Variants in GLIS3 observed in about 807,000 individuals in gnomAD.
The protein encoded by GLIS3 is GLIS family zinc finger 3.
Under a neutral mutation model 78.6 loss-of-function variants are expected in GLIS3, and 53 were observed. That is an observed-to-expected ratio of 0.67 (90% CI 0.54 to 0.85). The LOEUF (loss-of-function observed/expected upper bound fraction) is 0.85, where lower values mean the gene tolerates loss of function less well. GLIS3 is among the 40% of genes least tolerant of loss of function. The pLI is 0.00. For synonymous variants in GLIS3, 684 were observed against 509.9 expected (o/e 1.34, Z -4.60); for missense variants, 1,703 against 1,231.1 (o/e 1.38, Z -5.74).
In GLIS3 at chr9:3,972,906, T is replaced by C. The variant is rs371909991; in HGVS notation, c.1711-35717A>G. 1.3e-4 allele frequency among the ~76,000 whole-genome samples: 20 copies of C among 152,260 alleles called. 1 individual carries two copies. The highest frequency in any genetic ancestry group is 4.8e-4 in the African/African-American group (20 of 41,564). On this transcript the variant is annotated intron_variant, in intron 4 of 10. Transcript: ENST00000381971. ...TGAGTCACGGTAGTTCTAGTGAATC[T>C]CTCTTCTGACGCTGATTGCAAGAGT...
chr9:4,144,544 T>C (rs998513578), intron 2 of GLIS3, among the ~76,000 whole-genome samples: 3 of 152,190 alleles, frequency 2.0e-5, no homozygotes, highest in African/African-American at 7.2e-5. Flanking sequence ...GGACTCTACA[T>C]GCCAAAAAGT....
intron 2 of GLIS3, among the ~76,000 whole-genome samples, chr9:4,337,594 TCATTTTTTCTGA>T (rs371333813): frequency 4.1e-4 from 63 of 152,272 alleles, no homozygotes; most frequent in African/African-American, 1.5e-3. Flanking sequence ...CTCCTTCCGG[TCATTTTTTCTGA>T]CATGCTGAGT....
intron 4 of GLIS3, among the ~76,000 whole-genome samples, chr9:4,042,945 G>C (rs1280987693): frequency 2.5e-5 from 3 of 121,516 alleles, no homozygotes; most frequent in Non-Finnish European, 4.7e-5. Context: ...GAGCTTGCTT[G>C]AAAAGAAAAA....
chr9:3,908,999 C>G (rs373738402), intron 6 of GLIS3, among the ~76,000 whole-genome samples: 1 of 152,296 alleles, frequency 6.6e-6, no homozygotes, highest in Non-Finnish European at 1.5e-5. Flanking sequence ...TTTTCCCTGT[C>G]TCCAATGAGC....
chr9:4,357,849 G>A, the GLIS3 span, among the ~76,000 whole-genome samples: 17 of 152,304 alleles, frequency 1.1e-4, no homozygotes, highest in African/African-American at 3.8e-4. Context: ...CATTGAATCT[G>A]TGTCAATGGT....
At chr9:4,135,156 C>T (rs568227103) in intron 2 of GLIS3, among the ~76,000 whole-genome samples, 18 of 152,178 alleles carry the variant, frequency 1.2e-4, no homozygotes, top group East Asian at 7.7e-4. Context: ...CATGTCAAAG[C>T]GTTGTCTAGA....
intron 4 of GLIS3, among the ~76,000 whole-genome samples, chr9:4,001,410 T>C (rs1190179691): frequency 6.6e-6 from 1 of 152,204 alleles, no homozygotes; most frequent in African/African-American, 2.4e-5. Context: ...ATTATTCTCA[T>C]AGAATTTCCA....
At chr9:4,009,060 C>G (rs1343312092) in intron 4 of GLIS3, among the ~76,000 whole-genome samples, 1 of 152,196 alleles carries the variant, frequency 6.6e-6, no homozygotes, top group African/African-American at 2.4e-5. Context: ...GATATTCCTT[C>G]TCTTCTCTTA....
intron 4 of GLIS3, among the ~76,000 whole-genome samples, chr9:4,114,253 A>C (rs1188338582): frequency 6.6e-6 from 1 of 152,158 alleles, no homozygotes; most frequent in Non-Finnish European, 1.5e-5. Context: ...CAACCATTGC[A>C]CAGTCTTCAA....
At chr9:3,902,659 C>G (rs1278644455) in intron 6 of GLIS3, among the ~76,000 whole-genome samples, 1 of 152,112 alleles carries the variant, frequency 6.6e-6, no homozygotes, top group Admixed American at 6.5e-5. Context: ...TTCAGTAGGT[C>G]TGCGATGCGT....
chr9:3,934,395 G>A (rs1468295146), intron 5 of GLIS3, among the ~76,000 whole-genome samples: 1 of 150,928 alleles, frequency 6.6e-6, no homozygotes, highest in East Asian at 1.9e-4. Flanking sequence ...GGTTGGTAAT[G>A]TCATTTTCTA....
intron 2 of GLIS3, among the ~76,000 whole-genome samples, chr9:4,330,707 A>G (rs1387136728): frequency 1.3e-5 from 2 of 152,046 alleles, no homozygotes; most frequent in Non-Finnish European, 2.9e-5. Context: ...GGAGATGAAG[A>G]GAGGTAGAGA....
intron 1 of GLIS3, among the ~76,000 whole-genome samples, chr9:4,288,677 A>ATTTAT (rs1009419360): frequency 6.6e-6 from 1 of 152,028 alleles, no homozygotes; most frequent in Non-Finnish European, 1.5e-5. Context: ...TGGAATGAAT[A>ATTTAT]TTTATTTTAT....
intron 8 of GLIS3, among the ~76,000 whole-genome samples, chr9:3,877,406 G>T (rs1033344963): frequency 2.6e-5 from 4 of 152,286 alleles, no homozygotes; most frequent in Non-Finnish European, 4.4e-5. Flanking sequence ...ACTTTACCTT[G>T]TGCATAGAAC....
intron 2 of GLIS3, among the ~76,000 whole-genome samples, chr9:4,310,843 G>A (rs1486164048): frequency 6.6e-6 from 1 of 152,136 alleles, no homozygotes; most frequent in Non-Finnish European, 1.5e-5. Context: ...AAGTAAATGG[G>A]GGTGGTGATG....
chr9:4,228,637 C>G (rs1182085355), intron 2 of GLIS3, among the ~76,000 whole-genome samples: 1 of 152,162 alleles, frequency 6.6e-6, no homozygotes, highest in East Asian at 1.9e-4. Flanking sequence ...TTCTTAATCC[C>G]CTATGTATGC....
chr9:4,011,587 G>C (rs1187995191), intron 4 of GLIS3, among the ~76,000 whole-genome samples: 1 of 152,174 alleles, frequency 6.6e-6, no homozygotes, highest in Non-Finnish European at 1.5e-5. Flanking sequence ...GCTAAGACCT[G>C]GCAGCCCATC....
At chr9:4,225,552 CTT>C (rs1821698346) in intron 2 of GLIS3, among the ~76,000 whole-genome samples, 2 of 152,148 alleles carry the variant, frequency 1.3e-5, no homozygotes, top group African/African-American at 4.8e-5. Flanking sequence ...AAAACTGCCT[CTT>C]GAGTCACTAT....
chr9:4,063,023 A>G (rs1275861884), intron 4 of GLIS3, among the ~76,000 whole-genome samples: 1 of 152,172 alleles, frequency 6.6e-6, no homozygotes, highest in Admixed American at 6.5e-5. Flanking sequence ...AACACTTGGA[A>G]TAAACTCTCT....
Sources: gnomAD v4.1 joint callset for allele counts (sites outside exome capture counted in the v4.1 genomes callset) on GRCh38, gnomAD v4.1.1 for gene constraint, MANE v1.5 for transcripts, NCBI Gene and HGNC (gene_info 2026-07-23, HGNC 2026-07-21) for gene names.